VAV2: variants seen among roughly 807,000 people sequenced by gnomAD.
The protein encoded by VAV2 is vav guanine nucleotide exchange factor 2, also known as guanine nucleotide exchange factor VAV2.
VAV2 carries 67 observed loss-of-function variants against 132.5 expected under a neutral mutation model. The ratio of observed to expected loss-of-function variants is 0.51; its 90% CI spans 0.42 to 0.62. VAV2 has a LOEUF of 0.62. Ranked by LOEUF, VAV2 falls within the 20% of genes least tolerant of loss-of-function variation. The pLI, the probability that VAV2 is intolerant of heterozygous loss-of-function variation, is 0.00. For synonymous variants in VAV2, 492 were observed against 443.5 expected (o/e 1.11, Z -1.37); for missense variants, 938 against 1,153.6 (o/e 0.81, Z 2.71).
At chr9:133,938,977 G>T in intron 2 of VAV2, 126 bp downstream of exon 2, 1 of 859,920 alleles carries the variant, frequency 1.2e-6, no homozygotes, top group Non-Finnish European at 1.9e-6. Flanking sequence ...ACATGAGGGT[G>T]CAGAAATCCA....
chr9:133,792,508 G>A (rs1481018131), intron 12 of VAV2, among the ~76,000 whole-genome samples: 2 of 147,358 alleles, frequency 1.4e-5, no homozygotes, highest in Non-Finnish European at 3.0e-5. Context: ...AGTGGGGTGC[G>A]TGTGATTGGG....
At position 133,939,124 on chromosome 9, in the gene VAV2, G is replaced by A. The variant is rs979908837; in HGVS notation, c.300C>T (p.Phe100=). The A allele has an allele frequency of 3.7e-6, 6 of 1,614,228 alleles. No individual in the cohort carries two copies. The highest frequency in any genetic ancestry group is 3.3e-5 in the South Asian group (3 of 91,090). The part of the protein sequence containing the change: ...NSELFDPFDL[F]DVRDFGKVIS... ...TCACCTTTCCAAAGTCTCGCACATC[G>A]AAGAGGTCAAAGGGGTCAAACAGCT... Residue 100 remains phenylalanine (F), a synonymous_variant, in exon 2 of 30, where the codon TTC becomes TTT. Transcript: ENST00000371850.
chr9:133,960,403 T>A (rs191225334), intron 1 of VAV2, among the ~76,000 whole-genome samples: 1 of 151,970 alleles, frequency 6.6e-6, no homozygotes, highest in Admixed American at 6.5e-5. Flanking sequence ...CCAGGGGAGC[T>A]GGGGGACCCC....
rs371966892 is a variant in VAV2, at chr9:133,767,020, AG to A, written c.2589+1421del. Among the ~76,000 whole-genome samples the A allele has an allele frequency of 3.3e-4, 50 of 152,068 alleles. No homozygotes were observed. In the East Asian group the frequency reaches 8.1e-3, roughly 25 times the overall value. Reference sequence around the variant, plus strand: ...TGTAACTAACAAACCAATGTAGGGCAGGGGAAGTAGAATTAAAAATATATTG... The same window carrying A: ...TGTAACTAACAAACCAATGTAGGGCAGGGAAGTAGAATTAAAAATATATTG... On this transcript the variant is annotated intron_variant, in intron 29 of 29. Transcript: ENST00000371850.
At chr9:133,968,674 C>G (rs745507017) in intron 1 of VAV2, among the ~76,000 whole-genome samples, 1 of 152,202 alleles carries the variant, frequency 6.6e-6, no homozygotes, top group Non-Finnish European at 1.5e-5. Flanking sequence ...CATCACAGAG[C>G]CTTGTAGCCG....
At chr9:133,938,940 G>T (rs1263628065) in intron 2 of VAV2, among the ~76,000 whole-genome samples, 163 bp downstream of exon 2, 1 of 152,218 alleles carries the variant, frequency 6.6e-6, no homozygotes, top group Non-Finnish European at 1.5e-5. Context: ...CTTCCTGTTT[G>T]TAACAGGACC....
In VAV2 at chr9:133,935,668, T is replaced by TTTG. The variant is rs1840881615; in HGVS notation, c.321+3434_321+3435insCAA. ...AGAACCGTCAGGCTCCAGACCGTGG[T>TTTG]GAACGTCCCAGCTCCCCAGCCTCCG... On this transcript the variant is annotated intron_variant, in intron 2 of 29. Transcript: ENST00000371850. The surrounding 1 kb of genome is among the most constrained non-coding windows in gnomAD (Gnocchi z 5.2). Among the ~76,000 whole-genome samples, 2 of 152,122 alleles carry TTTG rather than the reference T, an allele frequency of 1.3e-5. No homozygotes were observed. The highest frequency in any genetic ancestry group is 2.9e-5 in the Non-Finnish European group (2 of 68,006).
intron 1 of VAV2, among the ~76,000 whole-genome samples, chr9:133,940,074 C>A (rs1348081841): frequency 6.6e-6 from 1 of 152,214 alleles, no homozygotes; most frequent in Non-Finnish European, 1.5e-5. Flanking sequence ...GCCCGGGGGG[C>A]ACGCTCTGGA....
At chr9:133,875,392 C>G (rs568974637) in intron 2 of VAV2, among the ~76,000 whole-genome samples, 1 of 152,356 alleles carries the variant, frequency 6.6e-6, no homozygotes, top group South Asian at 2.1e-4. Flanking sequence ...ACCCTTCTGC[C>G]GGCTAAGGAG....
chr9:133,820,540 T>C (rs1835746596), intron 4 of VAV2, among the ~76,000 whole-genome samples: 1 of 152,056 alleles, frequency 6.6e-6, no homozygotes. Flanking sequence ...TTAGCCAGGA[T>C]GGTCTCAATC....
chr9:133,907,685 T>C lies in VAV2; in HGVS notation c.321+31418A>G, dbSNP rs143467693. Among the ~76,000 whole-genome samples the C allele has an allele frequency of 7.9e-3, 1,199 of 152,324 alleles. 20 individuals carry two copies. The highest frequency in any genetic ancestry group is 0.027 in the African/African-American group (1,123 of 41,574). Reference sequence around the variant, plus strand: ...ATCCACCGCCATCCTCGTAAATCAATTCCCACTCTCCGCTCGGCTCGGGCC... The same window carrying C: ...ATCCACCGCCATCCTCGTAAATCAACTCCCACTCTCCGCTCGGCTCGGGCC... On this transcript the variant is annotated intron_variant, in intron 2 of 29. Coordinates refer to ENST00000371850, the MANE Select transcript of VAV2 (RefSeq NM_001134398.2).
intron 2 of VAV2, among the ~76,000 whole-genome samples, chr9:133,906,843 T>C (rs1839674711): frequency 6.6e-6 from 1 of 152,088 alleles, no homozygotes; most frequent in Non-Finnish European, 1.5e-5. Context: ...GACCCATGGC[T>C]CTACACCGGG....
chr9:133,915,850 C>A (rs1840064474), intron 2 of VAV2, among the ~76,000 whole-genome samples: 1 of 149,490 alleles, frequency 6.7e-6, no homozygotes, highest in Admixed American at 6.6e-5. Flanking sequence ...ACAACGCACA[C>A]ACACACGATG....
intron 2 of VAV2, among the ~76,000 whole-genome samples, chr9:133,865,173 T>G (rs1169547718): frequency 6.6e-6 from 1 of 152,194 alleles, no homozygotes; most frequent in East Asian, 1.9e-4. Context: ...GGTGCTGTGC[T>G]CACAGTATTT....
intron 2 of VAV2, among the ~76,000 whole-genome samples, chr9:133,876,730 A>G (rs995250909): frequency 7.2e-5 from 11 of 152,220 alleles, no homozygotes; most frequent in African/African-American, 2.4e-4. Context: ...GATGGCAGGA[A>G]GGCCTGGGCA....
At chr9:133,805,285 C>T (rs73663852) in intron 9 of VAV2, among the ~76,000 whole-genome samples, 3,618 of 152,234 alleles carry the variant, frequency 0.024, 51 homozygotes, top group East Asian at 0.05. Flanking sequence ...GAGTGGACCC[C>T]GGACATGGTA....
At chr9:133,894,258 G>C (rs1839104945) in intron 2 of VAV2, among the ~76,000 whole-genome samples, 3 of 152,348 alleles carry the variant, frequency 2.0e-5, no homozygotes, top group African/African-American at 2.4e-5. Context: ...GCCGGGGCCC[G>C]GCCTGGCCAG....
rs576811051 is a variant in VAV2, at chr9:133,769,327, G to A, written c.2434+90C>T. 4 of 1,371,912 alleles carry A rather than the reference G, an allele frequency of 2.9e-6. No homozygotes were observed. The highest frequency in any genetic ancestry group is 1.4e-5 in the African/African-American group (1 of 68,968). The allele number at this position is 1,371,912 out of a possible 1,614,324, so 85.0% of individuals were successfully genotyped here. A position where few individuals can be genotyped will look rare whatever the true frequency, so the allele number is the denominator to read the frequency against. On this transcript the variant is annotated intron_variant, in intron 28 of 29. Coordinates refer to ENST00000371850, the MANE Select transcript of VAV2 (RefSeq NM_001134398.2). This position sits in a 1 kb window ranked among gnomAD's most constrained non-coding sequence, Gnocchi z 8.1. ...GGACAACTGTGGCCACGTCAGGCAG[G>A]GCTGTGGGGCCAGTGGGCAGCTCCG...
intron 2 of VAV2, among the ~76,000 whole-genome samples, chr9:133,871,431 T>C (rs755018402): frequency 1.4e-5 from 2 of 147,828 alleles, no homozygotes; most frequent in African/African-American, 5.1e-5. Context: ...GACAGATGGA[T>C]GGATTGATTG....
Sources: gnomAD v4.1 joint callset for allele counts (sites outside exome capture counted in the v4.1 genomes callset) on GRCh38, gnomAD v4.1.1 for gene constraint, Gnocchi (gnomAD v3.1) non-coding constraint, MANE v1.5 for transcripts, NCBI Gene and HGNC (gene_info 2026-07-23, HGNC 2026-07-21) for gene names.